SAE1: variants seen among roughly 807,000 people sequenced by gnomAD.
SAE1 encodes the protein SUMO1 activating enzyme subunit 1.
SAE1 carries 11 observed loss-of-function variants against 40.6 expected under a neutral mutation model. That is an observed-to-expected ratio of 0.27 (90% CI 0.17 to 0.45). The LOEUF (loss-of-function observed/expected upper bound fraction) is 0.45, where lower values mean the gene tolerates loss of function less well. SAE1 is among the 20% of genes least tolerant of loss of function. SAE1 has a pLI of 1.00. For synonymous variants in SAE1, 155 were observed against 154.3 expected, an observed-to-expected ratio of 1.00 and a Z score of -0.03; for missense variants, 373 against 427.3, an observed-to-expected ratio of 0.87 and a Z score of 1.12.
At position 47,197,323 on chromosome 19, in the gene SAE1, A is replaced by T. The variant is rs773243454; in HGVS notation, c.824A>T (p.Asp275Val). 4 of 1,614,134 alleles carry T rather than the reference A, an allele frequency of 2.5e-6. No homozygotes were observed. The South Asian group carries it at 4.4e-5, about 18-fold the overall frequency. Reference protein sequence around the residue: ...DSELLLQIRNDVLDSLGISPD... With the variant: ...DSELLLQIRNVVLDSLGISPD... The stretch of plus-strand genomic sequence containing the variant: ...GAGTTGTTGCTCCAGATACGAAATG[A>T]TGTGCTTGACTCACTGGGTATTAGT... Residue 275 changes from aspartate (D) to valine (V), a missense_variant, in exon 7 of 9, where the codon GAT (aspartate) becomes GTT (valine). Coordinates refer to ENST00000270225, the MANE Select transcript of SAE1 (RefSeq NM_005500.3).
intron 2 of SAE1, among the ~76,000 whole-genome samples, chr19:47,146,855 G>C (rs549132665): frequency 6.6e-6 from 1 of 152,250 alleles, no homozygotes; most frequent in South Asian, 2.1e-4. Context: ...TCCGGAGACA[G>C]CACACAGAAG....
intron 7 of SAE1, among the ~76,000 whole-genome samples, chr19:47,201,877 C>T (rs1445340010): frequency 2.0e-5 from 3 of 152,118 alleles, no homozygotes; most frequent in Non-Finnish European, 2.9e-5. Context: ...AAATGATCCA[C>T]CCGCCTTGGC....
At chr19:47,197,641 C>T (rs916292263) in intron 7 of SAE1, among the ~76,000 whole-genome samples, 3 of 152,200 alleles carry the variant, frequency 2.0e-5, no homozygotes, top group African/African-American at 7.2e-5. Flanking sequence ...ACATTATTCT[C>T]TACCTTTTTT....
intron 1 of SAE1, among the ~76,000 whole-genome samples, chr19:47,135,079 A>G (rs888545459): frequency 6.6e-6 from 1 of 152,100 alleles, no homozygotes; most frequent in African/African-American, 2.4e-5. Context: ...TTTTGGGGGT[A>G]TGTGAGATAC....
Position 47,158,881 on chromosome 19 carries a change from A to T in SAE1, c.627+3668A>T, listed in dbSNP as rs79766856. Among the ~76,000 whole-genome samples the T allele has an allele frequency of 9.0e-4, 137 of 152,328 alleles. 1 individual carries two copies. In the East Asian group the frequency reaches 0.021, roughly 24 times the overall value. ...CTCACCCTATGATTTACAAAGAGGGATACCCCTGAAGTTGCTAGGGTAACG... is the reference window on the plus strand; with the variant it reads ...CTCACCCTATGATTTACAAAGAGGGTTACCCCTGAAGTTGCTAGGGTAACG... On this transcript the variant is annotated intron_variant, in intron 5 of 8. Coordinates refer to ENST00000270225, the MANE Select transcript of SAE1 (RefSeq NM_005500.3).
intron 5 of SAE1, among the ~76,000 whole-genome samples, chr19:47,160,987 A>G (rs1031358310): frequency 6.6e-6 from 1 of 151,994 alleles, no homozygotes; most frequent in African/African-American, 2.4e-5. Context: ...TTATCTCTGT[A>G]TATATATTTA....
chr19:47,140,634 A>C lies in SAE1; in HGVS notation c.99-2860A>C, dbSNP rs576036934. Among the ~76,000 whole-genome samples the C allele has an allele frequency of 7.8e-4, 119 of 151,684 alleles. 2 individuals carry two copies. In the Middle Eastern group the frequency reaches 0.024, roughly 30 times the overall value. ...AGACCCTGTGTCTACAAAAAAAAAA[A>C]AAAACCCATAAATCAGCCAGGTGCA... On this transcript the variant is annotated intron_variant, in intron 1 of 8. Coordinates refer to ENST00000270225, the MANE Select transcript of SAE1 (RefSeq NM_005500.3).
chr19:47,170,871 T>C (rs2058426904), intron 6 of SAE1, among the ~76,000 whole-genome samples: 2 of 152,174 alleles, frequency 1.3e-5, no homozygotes, highest in African/African-American at 4.8e-5. Context: ...TGGGGTTGTT[T>C]TTCCTCTTGC....
chr19:47,144,470 C>T (rs530853595), intron 2 of SAE1, among the ~76,000 whole-genome samples: 1 of 152,146 alleles, frequency 6.6e-6, no homozygotes, highest in South Asian at 2.1e-4. Flanking sequence ...GAGGCTGAGG[C>T]GGGCAGATCA....
At chr19:47,144,978 C>T (rs1294652764) in intron 2 of SAE1, among the ~76,000 whole-genome samples, 5 of 151,320 alleles carry the variant, frequency 3.3e-5, no homozygotes, top group Non-Finnish European at 7.4e-5. Flanking sequence ...ATTACAGGCA[C>T]GCACCACCAC....
At chr19:47,136,736 C>T (rs1568583805) in intron 1 of SAE1, among the ~76,000 whole-genome samples, 1 of 152,068 alleles carries the variant, frequency 6.6e-6, no homozygotes, top group African/African-American at 2.4e-5. Context: ...GTGATCCGCC[C>T]GCCTTGGCCT....
intron 8 of SAE1, among the ~76,000 whole-genome samples, chr19:47,208,248 G>T (rs971125611): frequency 6.6e-6 from 1 of 151,938 alleles, no homozygotes; most frequent in Non-Finnish European, 1.5e-5. Flanking sequence ...TAGTTTTAAG[G>T]TGTTTTTTTG....
At chr19:47,141,065 G>A (rs1280163973) in intron 1 of SAE1, among the ~76,000 whole-genome samples, 1 of 151,776 alleles carries the variant, frequency 6.6e-6, no homozygotes, top group Non-Finnish European at 1.5e-5. Flanking sequence ...AGACTGGCAT[G>A]ATCTCCGCTT....
At chr19:47,148,772 G>A (rs1036967338) in intron 2 of SAE1, among the ~76,000 whole-genome samples, 11 of 151,440 alleles carry the variant, frequency 7.3e-5, no homozygotes, top group South Asian at 2.1e-4. Flanking sequence ...GTGCCACCAC[G>A]TCCGGCTAAT....
At chr19:47,164,459 G>T (rs1486732702) in intron 5 of SAE1, among the ~76,000 whole-genome samples, 1 of 151,532 alleles carries the variant, frequency 6.6e-6, no homozygotes, top group Non-Finnish European at 1.5e-5. Flanking sequence ...GAGCCACCAC[G>T]TCTGGCCTGG....
At chr19:47,187,573 G>T (rs1600201421) in intron 6 of SAE1, among the ~76,000 whole-genome samples, 2 of 152,098 alleles carry the variant, frequency 1.3e-5, no homozygotes, top group East Asian at 3.9e-4. Context: ...CCCAGCTGGA[G>T]TGCAGTGGTG....
intron 8 of SAE1, among the ~76,000 whole-genome samples, chr19:47,204,653 CCCA>C (rs1318814712): frequency 2.0e-5 from 3 of 151,558 alleles, no homozygotes; most frequent in Non-Finnish European, 4.4e-5. Context: ...AGTACAGGTT[CCCA>C]CCACCACACC....
chr19:47,205,364 G>T, intron 8 of SAE1, among the ~76,000 whole-genome samples: 1 of 141,610 alleles, frequency 7.1e-6, no homozygotes, highest in African/African-American at 2.6e-5. Flanking sequence ...CCTTCTCTCT[G>T]GTCTAAATTC....
intron 5 of SAE1, among the ~76,000 whole-genome samples, chr19:47,155,617 T>C (rs1046096699): frequency 6.6e-6 from 1 of 152,060 alleles, no homozygotes; most frequent in South Asian, 2.1e-4. Context: ...TTTTTTTGTA[T>C]TTTTAGTAGA....
Sources: allele counts gnomAD v4.1 joint callset (sites outside exome capture counted in the v4.1 genomes callset), GRCh38; gene constraint gnomAD v4.1.1; transcripts MANE v1.5; gene names NCBI Gene and HGNC (gene_info 2026-07-23, HGNC 2026-07-21).